FUT9: variants seen among roughly 807,000 people sequenced by gnomAD.
The protein encoded by FUT9 is 4-galactosyl-N-acetylglucosaminide 3-alpha-L-fucosyltransferase 9.
Under a neutral mutation model 29.7 loss-of-function variants are expected in FUT9, and 15 were observed. The observed-to-expected ratio is 0.51, with a 90% confidence interval of 0.34 to 0.78. The LOEUF (loss-of-function observed/expected upper bound fraction) is 0.78, where lower values mean the gene tolerates loss of function less well. Among genes scored for constraint, FUT9 ranks in the 30% least tolerant of loss-of-function variants. The probability of loss-of-function intolerance (pLI) is 0.01; values close to 1 mark genes in which losing one functional copy is unlikely to be tolerated. For synonymous variants in FUT9, 169 were observed against 153.7 expected, an observed-to-expected ratio of 1.10 and a Z score of -0.74; for missense variants, 319 against 425.4, an observed-to-expected ratio of 0.75 and a Z score of 2.20.
At chr6:96,064,012 G>A (rs918176148) in intron 1 of FUT9, among the ~76,000 whole-genome samples, 7 of 152,152 alleles carry the variant, frequency 4.6e-5, no homozygotes, top group Non-Finnish European at 8.8e-5. Context: ...AGGGATAATA[G>A]ATATCCCCAT....
In FUT9 at chr6:96,203,970, C is replaced by G; in HGVS notation, c.815C>G (p.Pro272Arg). ...LAGSVPVVLGPSRENYENYIP... is the reference protein window; with the variant it reads ...LAGSVPVVLGRSRENYENYIP... Reference sequence around the variant, plus strand: ...GGCTCTGTACCTGTTGTTCTGGGACCATCTAGGGAAAACTATGAGAATTAT... The same window carrying G: ...GGCTCTGTACCTGTTGTTCTGGGACGATCTAGGGAAAACTATGAGAATTAT... Residue 272 changes from proline (P) to arginine (R), a missense_variant, in exon 3 of 3, where the codon CCA becomes CGA. Transcript: ENST00000302103. 6.2e-7 allele frequency: 1 copy of G among 1,613,396 alleles called. No homozygotes were observed. The highest frequency in any genetic ancestry group is 1.7e-4 in the Middle Eastern group (1 of 6,058).
intron 1 of FUT9, among the ~76,000 whole-genome samples, chr6:96,025,133 C>T (rs1199574071): frequency 6.6e-6 from 1 of 151,736 alleles, no homozygotes; most frequent in Non-Finnish European, 1.5e-5. Context: ...TTTCCCTTTT[C>T]ACACTCAATA....
At chr6:96,057,902 A>G (rs1431644249) in intron 1 of FUT9, among the ~76,000 whole-genome samples, 1 of 152,192 alleles carries the variant, frequency 6.6e-6, no homozygotes, top group Non-Finnish European at 1.5e-5. Context: ...TTTGTCTCTT[A>G]GACTCTCACT....
chr6:96,107,023 G>A (rs967652622), intron 1 of FUT9, among the ~76,000 whole-genome samples: 9 of 152,114 alleles, frequency 5.9e-5, no homozygotes, highest in South Asian at 2.1e-4. Context: ...TAATATATGC[G>A]TACCTATAGG....
At chr6:96,170,577 T>G (rs183092904) in intron 2 of FUT9, among the ~76,000 whole-genome samples, 2 of 149,450 alleles carry the variant, frequency 1.3e-5, no homozygotes. Flanking sequence ...CACACACAAT[T>G]GAATAGTAAT....
chr6:96,072,376 G>A (rs1288057286), intron 1 of FUT9, among the ~76,000 whole-genome samples: 2 of 152,102 alleles, frequency 1.3e-5, no homozygotes, highest in Non-Finnish European at 2.9e-5. Context: ...GTAAAAAATT[G>A]TATCTTTCTC....
intron 1 of FUT9, among the ~76,000 whole-genome samples, chr6:96,017,190 T>C (rs1019779851): frequency 2.6e-5 from 4 of 152,178 alleles, no homozygotes; most frequent in Admixed American, 6.5e-5. Context: ...TAAAATCTTC[T>C]TTGAAATTGC....
intron 1 of FUT9, among the ~76,000 whole-genome samples, chr6:96,040,317 C>G (rs1770438108): frequency 6.6e-6 from 1 of 152,124 alleles, no homozygotes; most frequent in South Asian, 2.1e-4. Flanking sequence ...ATTTATCCAT[C>G]AACTCACTAG....
chr6:96,151,511 C>G (rs1772675366), intron 2 of FUT9, among the ~76,000 whole-genome samples: 1 of 152,152 alleles, frequency 6.6e-6, no homozygotes, highest in Non-Finnish European at 1.5e-5. Context: ...AAGATTTTAT[C>G]AGGTAGAGAC....
intron 2 of FUT9, among the ~76,000 whole-genome samples, chr6:96,175,845 C>G (rs1773193255): frequency 6.6e-6 from 1 of 152,138 alleles, no homozygotes. Flanking sequence ...GATGGTAAAG[C>G]ATTGTTTCTG....
intron 1 of FUT9, among the ~76,000 whole-genome samples, chr6:96,099,372 TTC>T (rs371367158): frequency 1.1e-4 from 17 of 152,296 alleles, no homozygotes; most frequent in Non-Finnish European, 2.2e-4. Flanking sequence ...TTCTGATTAT[TTC>T]TGTTTTCCTC....
chr6:96,086,362 T>C (rs1771316671), intron 1 of FUT9, among the ~76,000 whole-genome samples: 1 of 152,206 alleles, frequency 6.6e-6, no homozygotes, highest in African/African-American at 2.4e-5. Flanking sequence ...TGCTTATCAA[T>C]TTGTTGTCAG....
At chr6:96,165,222 A>G (rs1212283308) in intron 2 of FUT9, among the ~76,000 whole-genome samples, 1 of 152,010 alleles carries the variant, frequency 6.6e-6, no homozygotes, top group Non-Finnish European at 1.5e-5. Flanking sequence ...ACCTGAGGTC[A>G]GGAGTTCGAG....
At position 96,016,445 on chromosome 6, in the gene FUT9, C is replaced by T. The variant is rs773760604; in HGVS notation, c.-98+233C>T. 2.1e-4 allele frequency among the ~76,000 whole-genome samples: 32 copies of T among 152,134 alleles called. 1 individual carries two copies. The highest frequency in any genetic ancestry group is 3.2e-4 in the Non-Finnish European group (22 of 68,018). On this transcript the variant is annotated intron_variant, in intron 1 of 2. Transcript: ENST00000302103. ...GACAGCTGCCTGCAGCTCGCAGTCC[C>T]GCCTCACCTTCCAGCCCCCAGGCTC...
chr6:96,160,408 G>T (rs1012409821), intron 2 of FUT9, among the ~76,000 whole-genome samples: 1 of 152,116 alleles, frequency 6.6e-6, no homozygotes, highest in African/African-American at 2.4e-5. Flanking sequence ...TACTATCCAT[G>T]TTTCTATTTG....
chr6:96,070,708 TTTAA>T (rs1771045229), intron 1 of FUT9, among the ~76,000 whole-genome samples: 1 of 152,204 alleles, frequency 6.6e-6, no homozygotes, highest in East Asian at 1.9e-4. Flanking sequence ...AATTAATTAA[TTTAA>T]TTAAGTTAGA....
chr6:96,174,337 T>A (rs1024942176), intron 2 of FUT9, among the ~76,000 whole-genome samples: 1 of 152,152 alleles, frequency 6.6e-6, no homozygotes, highest in Non-Finnish European at 1.5e-5. Flanking sequence ...ATAACTGTTT[T>A]CAAGCATATA....
At chr6:96,017,875 G>T (rs983153308) in intron 1 of FUT9, among the ~76,000 whole-genome samples, 1 of 152,158 alleles carries the variant, frequency 6.6e-6, no homozygotes, top group Non-Finnish European at 1.5e-5. Flanking sequence ...TAAGAAATAG[G>T]AAGGGAAAGT....
intron 1 of FUT9, among the ~76,000 whole-genome samples, chr6:96,050,372 C>T (rs1440265044): frequency 6.6e-6 from 1 of 152,208 alleles, no homozygotes; most frequent in African/African-American, 2.4e-5. Flanking sequence ...TGTTTACCAT[C>T]ATTCCATTTA....
Sources: allele counts gnomAD v4.1 joint callset (sites outside exome capture counted in the v4.1 genomes callset), GRCh38; gene constraint gnomAD v4.1.1; transcripts MANE v1.5; gene names NCBI Gene and HGNC (gene_info 2026-07-23, HGNC 2026-07-21).